Variants in ADGRL3 observed in about 807,000 individuals in gnomAD.
The protein encoded by ADGRL3 is adhesion G protein-coupled receptor L3.
ADGRL3 carries 62 observed loss-of-function variants against 153.5 expected under a neutral mutation model. The observed-to-expected ratio is 0.40, with a 90% confidence interval of 0.33 to 0.50. The LOEUF is 0.50. ADGRL3 is among the 20% of genes least tolerant of loss of function. The probability of loss-of-function intolerance (pLI) is 0.47; values close to 1 mark genes in which losing one functional copy is unlikely to be tolerated. For synonymous variants in ADGRL3, 710 were observed against 672.5 expected (o/e 1.06, Z -0.86); for missense variants, 1,641 against 1,859.4 (o/e 0.88, Z 2.16).
intron 1 of ADGRL3, among the ~76,000 whole-genome samples, chr4:61,330,484 C>G (rs2095549929): frequency 1.3e-5 from 2 of 152,116 alleles, no homozygotes. Flanking sequence ...GAAACTATGC[C>G]TGCAGCTTTC....
chr4:61,991,900 T>A (rs2099105032), intron 19 of ADGRL3, among the ~76,000 whole-genome samples: 1 of 147,950 alleles, frequency 6.8e-6, no homozygotes, highest in Admixed American at 6.8e-5. Context: ...ATTTATAAAA[T>A]ACATTTATAT....
chr4:61,485,159 C>T (rs1258157678), intron 2 of ADGRL3, among the ~76,000 whole-genome samples: 1 of 152,090 alleles, frequency 6.6e-6, no homozygotes. Flanking sequence ...TTGAGACCCA[C>T]CTAGGTGCAC....
intron 4 of ADGRL3, among the ~76,000 whole-genome samples, chr4:61,536,957 T>C (rs1456191660): frequency 6.6e-6 from 1 of 152,158 alleles, no homozygotes; most frequent in Non-Finnish European, 1.5e-5. Flanking sequence ...CTCAATTATA[T>C]AACTGCTTTG....
intron 1 of ADGRL3, among the ~76,000 whole-genome samples, chr4:61,351,522 C>T (rs548589872): frequency 6.6e-6 from 1 of 152,304 alleles, no homozygotes; most frequent in Non-Finnish European, 1.5e-5. Flanking sequence ...CAGTGCCTGG[C>T]TTCAAAGCTT....
intron 1 of ADGRL3, among the ~76,000 whole-genome samples, chr4:61,260,587 A>G (rs1470426892): frequency 1.3e-5 from 2 of 152,242 alleles, no homozygotes; most frequent in East Asian, 3.8e-4. Flanking sequence ...GTTAAGTAAG[A>G]TAATAAATGA....
intron 9 of ADGRL3, among the ~76,000 whole-genome samples, chr4:61,888,346 A>G (rs1300079930): frequency 2.0e-5 from 3 of 152,254 alleles, no homozygotes; most frequent in Non-Finnish European, 2.9e-5. Context: ...GTAAGATTCA[A>G]TAACAGTATA....
In ADGRL3 at chr4:61,308,831, TAAAG is replaced by T. The variant is rs1351806128; in HGVS notation, c.-239-74286_-239-74283del. 5.3e-5 allele frequency among the ~76,000 whole-genome samples: 8 copies of T among 152,332 alleles called. No individual in the cohort carries two copies. In the East Asian group the frequency reaches 1.5e-3, roughly 29 times the overall value. On this transcript the variant is annotated intron_variant, in intron 1 of 26. Transcript: ENST00000683033. ...TTTGAAATTTTGAAGGTCATGAAGT[TAAAG>T]AAAGAAGAAAGTGCACAATCAGCTT...
chr4:62,069,705 T>C (rs1744814271), intron 26 of ADGRL3, among the ~76,000 whole-genome samples: 1 of 152,120 alleles, frequency 6.6e-6, no homozygotes, highest in Non-Finnish European at 1.5e-5. Context: ...TTAAAGGTAA[T>C]GGAGTATTTA....
chr4:61,425,815 CCCTCCCCCCTGGGGCTATGGTAGCCAA>C (rs1211526633), intron 2 of ADGRL3, among the ~76,000 whole-genome samples: 1 of 152,238 alleles, frequency 6.6e-6, no homozygotes, highest in Non-Finnish European at 1.5e-5. Flanking sequence ...ACACAGTAGG[CCCTCCCCCCTGGGGCTATGGTAGCCAA>C]CCATCTGCAA....
chr4:61,410,173 T>C (rs925217531), intron 2 of ADGRL3, among the ~76,000 whole-genome samples: 2 of 151,420 alleles, frequency 1.3e-5, no homozygotes, highest in Admixed American at 1.3e-4. Flanking sequence ...AAAATGACTC[T>C]ATTTGTAAAT....
In ADGRL3 at chr4:61,891,339, G is replaced by C. The variant is rs139636093; in HGVS notation, c.1481-1317G>C. On this transcript the variant is annotated intron_variant, in intron 9 of 26. Coordinates refer to ENST00000683033, the MANE Select transcript of ADGRL3 (RefSeq NM_001387552.1). ...TGCCTTCTTGTATGAAATTTGAGTAGATGCAATTCTGAACATTACCATTCA... is the reference window on the plus strand; with the variant it reads ...TGCCTTCTTGTATGAAATTTGAGTACATGCAATTCTGAACATTACCATTCA... Among the ~76,000 whole-genome samples the C allele has an allele frequency of 2.6e-5, 4 of 152,190 alleles. No homozygotes were observed. The East Asian group carries it at 7.7e-4, about 29-fold the overall frequency.
At chr4:61,264,169 C>T (rs139998769) in intron 1 of ADGRL3, among the ~76,000 whole-genome samples, 49 of 152,068 alleles carry the variant, frequency 3.2e-4, no homozygotes, top group Admixed American at 9.2e-4. Flanking sequence ...TAATTGTTGA[C>T]GGTTGCAGAC....
intron 1 of ADGRL3, among the ~76,000 whole-genome samples, chr4:61,238,319 C>CA (rs895248744): frequency 2.4e-4 from 36 of 152,174 alleles, no homozygotes; most frequent in African/African-American, 8.2e-4. Flanking sequence ...ACTTAAGATA[C>CA]AAATATTTTG....
chr4:61,430,460 A>G (rs1460194383), intron 2 of ADGRL3, among the ~76,000 whole-genome samples: 3 of 152,194 alleles, frequency 2.0e-5, no homozygotes, highest in African/African-American at 7.2e-5. Flanking sequence ...ATGACATTTC[A>G]ATTTAAAGTA....
chr4:61,758,927 C>T (rs1335759020), intron 8 of ADGRL3, among the ~76,000 whole-genome samples: 1 of 152,124 alleles, frequency 6.6e-6, no homozygotes, highest in Non-Finnish European at 1.5e-5. Context: ...TTTATTTCTC[C>T]TTCACTTATG....
intron 2 of ADGRL3, among the ~76,000 whole-genome samples, chr4:61,401,622 T>C (rs981984200): frequency 2.0e-5 from 3 of 151,972 alleles, no homozygotes; most frequent in Non-Finnish European, 4.4e-5. Flanking sequence ...GTTGAAATGT[T>C]TCAGGAAACA....
chr4:62,022,289 A>C (rs2099241696), intron 21 of ADGRL3, among the ~76,000 whole-genome samples: 1 of 152,192 alleles, frequency 6.6e-6, no homozygotes, highest in Admixed American at 6.6e-5. Context: ...AGAGGTGAGA[A>C]AGCTGTAGAA....
At chr4:61,242,812 C>G (rs186633239) in intron 1 of ADGRL3, among the ~76,000 whole-genome samples, 4 of 152,102 alleles carry the variant, frequency 2.6e-5, no homozygotes, top group Admixed American at 2.6e-4. Context: ...CTGTCGTTTT[C>G]TTCACAATAA....
intron 9 of ADGRL3, among the ~76,000 whole-genome samples, chr4:61,819,246 T>A (rs1281039857): frequency 1.3e-5 from 2 of 152,148 alleles, no homozygotes; most frequent in Non-Finnish European, 2.9e-5. Context: ...GGGTTTTTAT[T>A]TGAATGTAAA....
Sources: gnomAD v4.1 joint callset for allele counts (sites outside exome capture counted in the v4.1 genomes callset) on GRCh38, gnomAD v4.1.1 for gene constraint, MANE v1.5 for transcripts, NCBI Gene and HGNC (gene_info 2026-07-23, HGNC 2026-07-21) for gene names.